FAM78B: variants seen among roughly 807,000 people sequenced by gnomAD.
FAM78B encodes the protein protein FAM78B.
In FAM78B, 10 loss-of-function variants were observed where a neutral mutation model predicts 20.0. That is an observed-to-expected ratio of 0.50 (90% confidence interval 0.31 to 0.85). FAM78B has a LOEUF of 0.85. FAM78B is among the 40% of genes least tolerant of loss of function. The pLI is 0.05. For synonymous variants in FAM78B, 135 were observed against 132.8 expected, an observed-to-expected ratio of 1.02 and a Z score of -0.12; for missense variants, 283 against 345.0, an observed-to-expected ratio of 0.82 and a Z score of 1.42.
intron 1 of FAM78B, among the ~76,000 whole-genome samples, chr1:166,129,344 C>G (rs4656478): frequency 1 from 152,386 of 152,388 alleles, 76,192 homozygotes; most frequent in Non-Finnish European, 1. Context: ...GCACAGGAAC[C>G]AAAGCCCCAG....
At chr1:166,159,539 C>T (rs1656060106) in intron 1 of FAM78B, among the ~76,000 whole-genome samples, 1 of 152,170 alleles carries the variant, frequency 6.6e-6, no homozygotes, top group African/African-American at 2.4e-5. Flanking sequence ...CAGTCTGCAT[C>T]CTTAACCTGG....
chr1:166,108,321 C>G (rs1571169090), intron 1 of FAM78B, among the ~76,000 whole-genome samples: 2 of 152,088 alleles, frequency 1.3e-5, no homozygotes, highest in East Asian at 1.9e-4. Flanking sequence ...TTAATGTACA[C>G]CAATCAGTAG....
rs971727798 is a variant in FAM78B, at chr1:166,106,400, TA to T, written c.264-35638del. 2.0e-5 allele frequency among the ~76,000 whole-genome samples: 3 copies of T among 148,298 alleles called. No individual in the cohort carries two copies. The East Asian group carries it at 6.0e-4, about 30-fold the overall frequency. ...ATACACCATGGAATACTATACAGTA[TA>T]AAAAAGAATGAAATCATGTGCACAT... On this transcript the variant is annotated intron_variant, in intron 1 of 1. Transcript: ENST00000354422.
chr1:166,159,944 A>C (rs1454002331), intron 1 of FAM78B, among the ~76,000 whole-genome samples: 1 of 152,204 alleles, frequency 6.6e-6, no homozygotes, highest in Non-Finnish European at 1.5e-5. Context: ...GGCACTCAGG[A>C]CTTTAATAAA....
chr1:166,127,178 G>C (rs1654674928), intron 1 of FAM78B, among the ~76,000 whole-genome samples: 2 of 152,230 alleles, frequency 1.3e-5, no homozygotes, highest in South Asian at 4.1e-4. Context: ...TGAAATGTAT[G>C]CATGTCCAAG....
intron 1 of FAM78B, among the ~76,000 whole-genome samples, chr1:166,096,900 G>A (rs1385773284): frequency 6.6e-6 from 1 of 152,188 alleles, no homozygotes; most frequent in African/African-American, 2.4e-5. Context: ...TCTGGACAGA[G>A]CAGCGGGCGG....
chr1:166,112,932 T>A (rs1654112435), intron 1 of FAM78B, among the ~76,000 whole-genome samples: 1 of 152,242 alleles, frequency 6.6e-6, no homozygotes, highest in African/African-American at 2.4e-5. Context: ...TACACTCATG[T>A]CTATATTATT....
At chr1:166,093,508 C>T (rs989608427) in intron 1 of FAM78B, among the ~76,000 whole-genome samples, 1 of 152,152 alleles carries the variant, frequency 6.6e-6, no homozygotes, top group Non-Finnish European at 1.5e-5. Context: ...ACATGTTTGG[C>T]CCTATAGGAC....
At chr1:166,093,995 G>A (rs1653174953) in intron 1 of FAM78B, among the ~76,000 whole-genome samples, 1 of 148,996 alleles carries the variant, frequency 6.7e-6, no homozygotes, top group Non-Finnish European at 1.5e-5. Flanking sequence ...CACAGGGCTT[G>A]CGAATGACTG....
At chr1:166,094,606 G>T (rs79708310) in intron 1 of FAM78B, among the ~76,000 whole-genome samples, 2,907 of 152,312 alleles carry the variant, frequency 0.019, 92 homozygotes, top group African/African-American at 0.067. Context: ...TTAGAAGACT[G>T]ATAATGCAGG....
chr1:166,064,223 T>C (rs1025007904), intron 2 of FAM78B, among the ~76,000 whole-genome samples: 3 of 152,166 alleles, frequency 2.0e-5, no homozygotes, highest in Admixed American at 2.0e-4. Flanking sequence ...AAGTTATTTC[T>C]TCATTTTACT....
intron 1 of FAM78B, among the ~76,000 whole-genome samples, chr1:166,137,206 A>G (rs1655099096): frequency 6.6e-6 from 1 of 152,204 alleles, no homozygotes; most frequent in Non-Finnish European, 1.5e-5. Flanking sequence ...TTTATGTGCT[A>G]ACCCTGATTT....
chr1:166,074,725 G>A (rs973060344), intron 1 of FAM78B, among the ~76,000 whole-genome samples: 1 of 152,074 alleles, frequency 6.6e-6, no homozygotes, highest in Non-Finnish European at 1.5e-5. Context: ...TGCCTTGCAC[G>A]GAAAGTTGCT....
downstream of FAM78B, among the ~76,000 whole-genome samples, chr1:166,065,719 C>T (rs773145192): frequency 6.6e-6 from 1 of 152,042 alleles, no homozygotes; most frequent in East Asian, 1.9e-4. Flanking sequence ...AGATGTCCTA[C>T]CAGGGAAACT....
At chr1:166,128,401 C>T (rs1654720188) in intron 1 of FAM78B, among the ~76,000 whole-genome samples, 1 of 152,210 alleles carries the variant, frequency 6.6e-6, no homozygotes, top group African/African-American at 2.4e-5. Context: ...GGCTGGCAGT[C>T]AGACACCTGG....
intron 1 of FAM78B, among the ~76,000 whole-genome samples, chr1:166,079,395 C>CA (rs1401492861): frequency 2.6e-5 from 4 of 152,194 alleles, no homozygotes; most frequent in African/African-American, 9.7e-5. Context: ...AACATACCTC[C>CA]AGAGTCTATT....
At chr1:166,150,887 C>A (rs1266219979) in intron 1 of FAM78B, among the ~76,000 whole-genome samples, 1 of 152,068 alleles carries the variant, frequency 6.6e-6, no homozygotes, top group Non-Finnish European at 1.5e-5. Context: ...GAGTTTGAGA[C>A]TAGCCTGAGC....
chr1:166,109,128 G>C (rs1653898576), intron 1 of FAM78B, among the ~76,000 whole-genome samples: 1 of 152,062 alleles, frequency 6.6e-6, no homozygotes, highest in African/African-American at 2.4e-5. Context: ...GAACCCAAAA[G>C]CAAATGTGAC....
chr1:166,086,676 T>G (rs1011199490), intron 1 of FAM78B, among the ~76,000 whole-genome samples: 29 of 152,306 alleles, frequency 1.9e-4, no homozygotes, highest in African/African-American at 6.7e-4. Flanking sequence ...GTGGGGAGTT[T>G]CCGGCAGCAG....
Sources: gnomAD v4.1 joint callset for allele counts (sites outside exome capture counted in the v4.1 genomes callset) on GRCh38, gnomAD v4.1.1 for gene constraint, MANE v1.5 for transcripts, NCBI Gene and HGNC (gene_info 2026-07-23, HGNC 2026-07-21) for gene names.